GHR: variants seen among roughly 807,000 people sequenced by gnomAD.
The protein encoded by GHR is GH receptor.
A neutral mutation model predicts 67.1 loss-of-function variants in GHR; 35 were observed. That is an observed-to-expected ratio of 0.52 (90% CI 0.40 to 0.69). The LOEUF is 0.69. Among genes scored for constraint, GHR ranks in the 30% least tolerant of loss-of-function variants. The probability of loss-of-function intolerance (pLI) is 0.00; values close to 1 mark genes in which losing one functional copy is unlikely to be tolerated. For synonymous variants in GHR, 272 were observed against 269.1 expected (o/e 1.01, Z -0.10); for missense variants, 792 against 764.6 (o/e 1.04, Z -0.42).
At chr5:42,601,563 G>C (rs565549359) in intron 2 of GHR, among the ~76,000 whole-genome samples, 4 of 152,178 alleles carry the variant, frequency 2.6e-5, no homozygotes, top group Admixed American at 2.0e-4. Flanking sequence ...GTAAGAAACT[G>C]CAGTTCAAAA....
At position 42,622,640 on chromosome 5, in the gene GHR, T is replaced by C. The variant is rs372223739; in HGVS notation, c.71-6398T>C. Among the ~76,000 whole-genome samples, 12 of 152,320 alleles carry C rather than the reference T, an allele frequency of 7.9e-5. No individual in the cohort carries two copies. The East Asian group carries it at 1.5e-3, about 20-fold the overall frequency. ...ACATGCATGACCTCCTGTAATTGTA[T>C]AGCTTGGTTGCTGTATATGGTACTA... On this transcript the variant is annotated intron_variant, in intron 2 of 9. Coordinates refer to ENST00000230882, the MANE Select transcript of GHR (RefSeq NM_000163.5).
At chr5:42,651,335 C>A (rs997800790) in intron 3 of GHR, among the ~76,000 whole-genome samples, 3 of 152,152 alleles carry the variant, frequency 2.0e-5, no homozygotes, top group African/African-American at 4.8e-5. Flanking sequence ...GTTGGGGGAA[C>A]CTTTAGGTTC....
intron 1 of GHR, among the ~76,000 whole-genome samples, chr5:42,433,302 T>C (rs1343009437): frequency 6.6e-6 from 1 of 152,224 alleles, no homozygotes; most frequent in African/African-American, 2.4e-5. Context: ...GAATTATTTA[T>C]ATAATCTGAA....
intron 5 of GHR, among the ~76,000 whole-genome samples, chr5:42,698,472 A>G (rs905438162): frequency 1.1e-4 from 17 of 152,238 alleles, no homozygotes; most frequent in African/African-American, 3.9e-4. Context: ...TTATATCGGC[A>G]TATGTAGTTT....
Position 42,668,868 on chromosome 5 carries a change from G to T in GHR, c.137-20022G>T, listed in dbSNP as rs900941130. On this transcript the variant is annotated intron_variant, in intron 3 of 9. Transcript: ENST00000230882. ...GTTAGAAATGTCAAAACTTGAAAAT[G>T]CATTTAATACCCTGATAAACACATC... 2.9e-4 allele frequency among the ~76,000 whole-genome samples: 44 copies of T among 152,124 alleles called. 1 individual carries two copies. Among genetic ancestry groups the T allele is most frequent in the African/African-American group, 1.1e-3 (44 of 41,424 alleles).
At position 42,582,315 on chromosome 5, in the gene GHR, G is replaced by T. The variant is rs551967227; in HGVS notation, c.70+16371G>T. Among the ~76,000 whole-genome samples the T allele has an allele frequency of 7.9e-4, 120 of 152,364 alleles. 2 individuals carry two copies. The South Asian group carries it at 0.025, about 31-fold the overall frequency. On this transcript the variant is annotated intron_variant, in intron 2 of 9. Coordinates refer to ENST00000230882, the MANE Select transcript of GHR (RefSeq NM_000163.5). The stretch of plus-strand genomic sequence containing the variant: ...AGTTCCAGGTGGAGTCCTTGGCTGG[G>T]AGTGAGAACTTATGGTGCTTTATCC...
intron 3 of GHR, among the ~76,000 whole-genome samples, chr5:42,651,636 A>G (rs1339649077): frequency 3.3e-5 from 5 of 152,186 alleles, no homozygotes; most frequent in Admixed American, 1.3e-4. Flanking sequence ...GCATCTGTCC[A>G]GTAACTGTTT....
At chr5:42,655,839 A>G (rs1004725848) in intron 3 of GHR, among the ~76,000 whole-genome samples, 6 of 152,200 alleles carry the variant, frequency 3.9e-5, no homozygotes, top group African/African-American at 1.4e-4. Flanking sequence ...AGTCTTTGGG[A>G]TAATTTCCTA....
intron 1 of GHR, chr5:42,466,823 AG>A: frequency 8.8e-7 from 1 of 1,139,548 alleles, no homozygotes; most frequent in East Asian, 2.5e-5. Context: ...AACAGCAAAG[AG>A]GTGTCTCATT....
intron 4 of GHR, among the ~76,000 whole-genome samples, chr5:42,690,422 G>GC (rs1371079547): frequency 6.6e-6 from 1 of 152,078 alleles, no homozygotes; most frequent in Non-Finnish European, 1.5e-5. Flanking sequence ...AAAATACTTG[G>GC]CAGAGTACTT....
At chr5:42,596,273 G>A (rs879884983) in intron 2 of GHR, among the ~76,000 whole-genome samples, 5 of 151,932 alleles carry the variant, frequency 3.3e-5, no homozygotes, top group African/African-American at 1.2e-4. Context: ...TGTGTTAAAT[G>A]GATGAAATGG....
chr5:42,473,827 A>C (rs1305339213), intron 1 of GHR, among the ~76,000 whole-genome samples: 3 of 150,654 alleles, frequency 2.0e-5, no homozygotes. Flanking sequence ...CAATGAGCTG[A>C]GATTGTGCCA....
At chr5:42,701,717 T>C (rs1158431023) in intron 6 of GHR, among the ~76,000 whole-genome samples, 1 of 152,196 alleles carries the variant, frequency 6.6e-6, no homozygotes, top group African/African-American at 2.4e-5. Context: ...GTGAGCTTGA[T>C]AGTGTTTTAA....
At chr5:42,511,983 C>T (rs1378659867) in intron 1 of GHR, among the ~76,000 whole-genome samples, 3 of 152,170 alleles carry the variant, frequency 2.0e-5, no homozygotes, top group African/African-American at 7.2e-5. Context: ...AGTCCACAGA[C>T]TGCAGATAGA....
intron 1 of GHR, among the ~76,000 whole-genome samples, chr5:42,537,837 C>T (rs933850560): frequency 1.2e-4 from 18 of 152,132 alleles, no homozygotes; most frequent in Non-Finnish European, 1.9e-4. Context: ...TTTGGAACCT[C>T]CAGTGTTAGG....
intron 1 of GHR, among the ~76,000 whole-genome samples, chr5:42,520,810 C>T (rs1747440286): frequency 6.6e-6 from 1 of 152,146 alleles, no homozygotes; most frequent in Non-Finnish European, 1.5e-5. Context: ...ATGCTTCACC[C>T]TCAGACTTTG....
At chr5:42,576,108 TA>T (rs1230448848) in intron 2 of GHR, among the ~76,000 whole-genome samples, 1,020 of 75,926 alleles carry the variant, frequency 0.013, 2 homozygotes, top group Non-Finnish European at 0.019. Flanking sequence ...ATAAATAAAA[TA>T]AAATAAAATA....
intron 2 of GHR, among the ~76,000 whole-genome samples, chr5:42,589,613 A>G (rs1476126689): frequency 6.6e-6 from 1 of 152,206 alleles, no homozygotes; most frequent in Non-Finnish European, 1.5e-5. Flanking sequence ...TCTATGGAAT[A>G]TATATAAGTA....
chr5:42,548,427 A>C (rs1376344448), intron 1 of GHR: 102 of 984,698 alleles, frequency 1.0e-4, no homozygotes, highest in Non-Finnish European at 1.2e-4. Context: ...GCTTGCATAT[A>C]TGAGTGAAAG....
Sources: gnomAD v4.1 joint callset for allele counts (sites outside exome capture counted in the v4.1 genomes callset) on GRCh38, gnomAD v4.1.1 for gene constraint, MANE v1.5 for transcripts, NCBI Gene and HGNC (gene_info 2026-07-23, HGNC 2026-07-21) for gene names.